The following VCF1 variants were observed in gnomAD, a reference collection of about 807,000 sequenced individuals.
VCF1 encodes the protein VCP nuclear cofactor family member 1.
the VCF1 span, among the ~76,000 whole-genome samples, chr17:73,223,009 G>A: frequency 2.6e-5 from 4 of 151,796 alleles, no homozygotes; most frequent in East Asian, 2.0e-4. Flanking sequence ...CATCTGAGAA[G>A]TGGAGATAAT....
chr17:73,228,132 G>C, the VCF1 span, among the ~76,000 whole-genome samples: 2 of 152,224 alleles, frequency 1.3e-5, no homozygotes, highest in Non-Finnish European at 2.9e-5. Context: ...GCCACGTGTA[G>C]CTAGTGGCTA....
chr17:73,212,784 A>C, the VCF1 span: 6 of 1,411,908 alleles, frequency 4.2e-6, no homozygotes, highest in East Asian at 1.2e-4. Context: ...TAGTAAGTCA[A>C]GTTTTCATCT....
the VCF1 span, among the ~76,000 whole-genome samples, chr17:73,223,287 A>G: frequency 6.6e-6 from 1 of 152,206 alleles, no homozygotes; most frequent in East Asian, 1.9e-4. Context: ...ATTGCACTCC[A>G]GTCTGGGCAA....
At chr17:73,224,510 C>A in the VCF1 span, among the ~76,000 whole-genome samples, 1 of 151,922 alleles carries the variant, frequency 6.6e-6, no homozygotes, top group Non-Finnish European at 1.5e-5. Context: ...CATGGCCCTA[C>A]CTCAGAATTA....
At chr17:73,209,719 ATGCTGCTGC>A in the VCF1 span, 857 of 1,474,502 alleles carry the variant, frequency 5.8e-4, 1 homozygote, top group Non-Finnish European at 7.0e-4. Flanking sequence ...CGGGCTATTG[ATGCTGCTGC>A]TGCTGCTGCT....
the VCF1 span, among the ~76,000 whole-genome samples, chr17:73,215,688 TTAC>T: frequency 6.6e-6 from 1 of 152,338 alleles, no homozygotes; most frequent in African/African-American, 2.4e-5. Context: ...GTTTGTGTGC[TTAC>T]TATGTACAAG....
the VCF1 span, chr17:73,207,859 T>C: frequency 2.6e-5 from 32 of 1,219,390 alleles, no homozygotes; most frequent in East Asian, 1.2e-4. Flanking sequence ...CCTTTCCGTA[T>C]TCCCTACCAT....
At chr17:73,214,623 A>C in the VCF1 span, among the ~76,000 whole-genome samples, 1 of 152,208 alleles carries the variant, frequency 6.6e-6, no homozygotes, top group African/African-American at 2.4e-5. Flanking sequence ...TTTGTCTCCT[A>C]AAGTAAACAT....
the VCF1 span, chr17:73,212,622 C>T: frequency 6.9e-7 from 1 of 1,444,170 alleles, no homozygotes; most frequent in Non-Finnish European, 9.5e-7. Flanking sequence ...GCCACTTGCA[C>T]CTTGCGAATC....
At chr17:73,214,101 A>C in the VCF1 span, among the ~76,000 whole-genome samples, 1 of 152,236 alleles carries the variant, frequency 6.6e-6, no homozygotes, top group African/African-American at 2.4e-5. Flanking sequence ...TAACTACCTC[A>C]GAACTTCTAA....
At chr17:73,230,931 A>G in the VCF1 span, among the ~76,000 whole-genome samples, 1 of 152,236 alleles carries the variant, frequency 6.6e-6, no homozygotes, top group African/African-American at 2.4e-5. Flanking sequence ...TATGTGAGAC[A>G]CCCCAAGAGA....
the VCF1 span, among the ~76,000 whole-genome samples, chr17:73,214,364 T>C: frequency 2.6e-5 from 4 of 151,872 alleles, no homozygotes; most frequent in African/African-American, 9.7e-5. Context: ...GATATTGTTC[T>C]GTGAAGCTTT....
chr17:73,224,263 C>CACAA, the VCF1 span, among the ~76,000 whole-genome samples: 2 of 103,926 alleles, frequency 1.9e-5, no homozygotes, highest in Admixed American at 1.2e-4. Flanking sequence ...GTCGTCTCTC[C>CACAA]AAAAAAAAAA....
chr17:73,208,416 T>G, the VCF1 span: 1 of 1,614,242 alleles, frequency 6.2e-7, no homozygotes, highest in Admixed American at 1.7e-5. Flanking sequence ...ACCTTCATTA[T>G]TCAAACTTGG....
the VCF1 span, chr17:73,232,266 G>C: frequency 6.2e-7 from 1 of 1,607,818 alleles, no homozygotes; most frequent in Non-Finnish European, 8.5e-7. Context: ...AGTCGGACCC[G>C]TACCACCACT....
the VCF1 span, among the ~76,000 whole-genome samples, chr17:73,221,630 T>C: frequency 6.6e-6 from 1 of 152,180 alleles, no homozygotes; most frequent in South Asian, 2.1e-4. Context: ...GGCTCACACC[T>C]GTAATCCTAA....
the VCF1 span, chr17:73,232,034 T>C: frequency 1.2e-5 from 18 of 1,518,150 alleles, no homozygotes; most frequent in East Asian, 9.9e-5. Flanking sequence ...CCCTCGGCTC[T>C]ATCTCCCAGA....
chr17:73,227,936 A>G, the VCF1 span, among the ~76,000 whole-genome samples: 2 of 152,268 alleles, frequency 1.3e-5, no homozygotes, highest in African/African-American at 4.8e-5. Context: ...TGTGCTGTCA[A>G]AACGATTTCT....
chr17:73,219,332 C>G, the VCF1 span, among the ~76,000 whole-genome samples: 1 of 151,826 alleles, frequency 6.6e-6, no homozygotes, highest in Admixed American at 6.6e-5. Context: ...CAGCACTGTT[C>G]CTCCCTTTTG....
Sources: allele counts gnomAD v4.1 joint callset (sites outside exome capture counted in the v4.1 genomes callset), GRCh38; gene constraint gnomAD v4.1.1; transcripts MANE v1.5; gene names NCBI Gene and HGNC (gene_info 2026-07-23, HGNC 2026-07-21).